Variants in HSPA13 observed in about 807,000 individuals in gnomAD.
HSPA13 encodes the protein heat shock 70 kDa protein 13.
HSPA13 carries 29 observed loss-of-function variants against 38.8 expected under a neutral mutation model. The ratio of observed to expected loss-of-function variants is 0.75; its 90% confidence interval spans 0.56 to 1.02. The LOEUF (loss-of-function observed/expected upper bound fraction) is 1.02, where lower values mean the gene tolerates loss of function less well. Ranked by LOEUF, HSPA13 falls within the 50% of genes least tolerant of loss-of-function variation. The probability of loss-of-function intolerance (pLI) is 0.00; values close to 1 mark genes in which losing one functional copy is unlikely to be tolerated. For synonymous variants in HSPA13, 192 were observed against 205.3 expected (o/e 0.94, Z 0.56); for missense variants, 451 against 560.9 (o/e 0.80, Z 1.98).
In HSPA13 at chr21:14,373,588, T is replaced by C. The variant is rs1208002243; in HGVS notation, c.*29A>G. 6.5e-7 allele frequency: 1 copy of C among 1,549,608 alleles called. No individual in the cohort carries two copies. Among genetic ancestry groups the C allele is most frequent in the Non-Finnish European group, 8.8e-7 (1 of 1,138,600 alleles). The stretch of plus-strand genomic sequence containing the variant: ...AAATGGGAAGAGATCATCAGACAAG[T>C]TCACAAATAACCATTATTTCTGCAG... On this transcript the variant is annotated 3_prime_UTR_variant, in exon 5 of 5. Transcript: ENST00000285667.
chr21:14,381,102 T>C (rs1317937553), intron 2 of HSPA13, 101 bp downstream of exon 2: 5 of 870,488 alleles, frequency 5.7e-6, no homozygotes, highest in South Asian at 3.5e-5. Flanking sequence ...CATGTATTAA[T>C]AGATAAAACT....
Position 14,381,197 on chromosome 21 carries a change from A to G in HSPA13, c.366+6T>C, listed in dbSNP as rs1305532354. ...AATTAATATAGATTTTAGATTAATC[A>G]CTTACCTTAAATGGGTATCTGCCAA... is the stretch of plus-strand genomic sequence containing the variant. On this transcript the variant is annotated splice_donor_region_variant and intron_variant, in intron 2 of 4. Coordinates refer to ENST00000285667, the MANE Select transcript of HSPA13 (RefSeq NM_006948.5). The G allele has an allele frequency of 1.3e-6, 2 of 1,576,410 alleles. No individual in the cohort carries two copies. The highest frequency in any genetic ancestry group is 2.7e-5 in the African/African-American group (2 of 74,032).
rs200946272 is a variant in HSPA13, at chr21:14,383,060, G to C, written c.25+35C>G. 1.3e-3 allele frequency: 2,176 copies of C among 1,613,306 alleles called. 2 individuals are homozygous for C. Among genetic ancestry groups the C allele is most frequent in the Non-Finnish European group, 1.7e-3 (2,009 of 1,179,432 alleles). On this transcript the variant is annotated intron_variant, in intron 1 of 4. Transcript: ENST00000285667. The stretch of plus-strand genomic sequence containing the variant: ...TCTGGCATCCTCAGATCGCCTCTAC[G>C]CCCGCAAGAGCAACAAGGACCCCCG...
chr21:14,382,765 C>T (rs1342148410), intron 1 of HSPA13, among the ~76,000 whole-genome samples: 7 of 152,226 alleles, frequency 4.6e-5, no homozygotes, highest in Non-Finnish European at 1.0e-4. Context: ...TGCACGTTCT[C>T]GCAGCCTTCC....
Position 14,381,204 on chromosome 21 carries a change from T to A in HSPA13, c.365A>T (p.Lys122Met). The A allele has an allele frequency of 1.3e-6, 2 of 1,595,010 alleles. No homozygotes were observed. Among genetic ancestry groups the A allele is most frequent in the Non-Finnish European group, 1.7e-6 (2 of 1,168,672 alleles). ...LEAEIGRYPF[K>M]VLNKNGMVEF... ...ATAGATTTTAGATTAATCACTTACC[T>A]TAAATGGGTATCTGCCAATTTCAGC... The change falls in exon 2 of 5, where the codon AAG (lysine) becomes ATG (methionine). Residue 122 changes from lysine to methionine, a missense_variant and splice_region_variant. Physicochemically the swap from Lys to Met is moderately conservative, Grantham distance 95. Transcript: ENST00000285667.
Position 14,381,211 on chromosome 21 carries a change from G to A in HSPA13, c.358C>T (p.Pro120Ser). 6.3e-7 allele frequency: 1 copy of A among 1,597,408 alleles called. No homozygotes were observed. The highest frequency in any genetic ancestry group is 8.5e-7 in the Non-Finnish European group (1 of 1,169,612). The change falls in exon 2 of 5, where the codon CCA becomes TCA. Residue 120 changes from proline to serine, a missense_variant. Physicochemically the swap from Pro to Ser is moderately conservative, Grantham distance 74. Coordinates refer to ENST00000285667, the MANE Select transcript of HSPA13 (RefSeq NM_006948.5). The stretch of plus-strand genomic sequence containing the variant: ...TTAGATTAATCACTTACCTTAAATG[G>A]GTATCTGCCAATTTCAGCCTCCAAC... Reference protein sequence around the residue: ...EELEAEIGRYPFKVLNKNGMV... With the variant: ...EELEAEIGRYSFKVLNKNGMV...
intron 4 of HSPA13, 41 bp downstream of exon 4, chr21:14,375,611 C>T: frequency 1.3e-6 from 2 of 1,577,662 alleles, no homozygotes; most frequent in South Asian, 2.2e-5. Flanking sequence ...GGATTACAGG[C>T]GTGAGCCACT....
Position 14,373,587 on chromosome 21 carries a change from G to C in HSPA13, c.*30C>G. The C allele has an allele frequency of 6.5e-7, 1 of 1,542,172 alleles. No homozygotes were observed. The highest frequency in any genetic ancestry group is 8.8e-7 in the Non-Finnish European group (1 of 1,132,074). On this transcript the variant is annotated 3_prime_UTR_variant, in exon 5 of 5. Coordinates refer to ENST00000285667, the MANE Select transcript of HSPA13 (RefSeq NM_006948.5). ...TAAATGGGAAGAGATCATCAGACAA[G>C]TTCACAAATAACCATTATTTCTGCA...
rs1296495789 is a variant in HSPA13, at chr21:14,373,995, T to C, written c.1038A>G (p.Gly346=). 11 of 1,614,220 alleles carry C rather than the reference T, an allele frequency of 6.8e-6. No individual in the cohort carries two copies. The highest frequency in any genetic ancestry group is 9.3e-6 in the Non-Finnish European group (11 of 1,180,036). The change falls in exon 5 of 5, where the codon GGA becomes GGG. Residue 346 remains glycine, a synonymous_variant. Transcript: ENST00000285667. ...ADDHRVNSGF[G]RGLSDKKSGE... The stretch of plus-strand genomic sequence containing the variant: ...CACTTTTCTTATCAGAAAGGCCACG[T>C]CCAAACCCACTGTTCACGCGATGGT...
intron 2 of HSPA13, among the ~76,000 whole-genome samples, 154 bp downstream of exon 2, chr21:14,381,049 T>C (rs1020577213): frequency 6.6e-6 from 1 of 152,244 alleles, no homozygotes; most frequent in Non-Finnish European, 1.5e-5. Flanking sequence ...ACTGATCCTA[T>C]AGCTGCTGTG....
chr21:14,375,491 ATTTT>A (rs34202425), intron 4 of HSPA13, among the ~76,000 whole-genome samples, 157 bp downstream of exon 4: 10 of 128,564 alleles, frequency 7.8e-5, no homozygotes, highest in Non-Finnish European at 1.1e-4. Flanking sequence ...TTTTTCTGTA[ATTTT>A]TTTTTTTTTT....
Position 14,374,139 on chromosome 21 carries a change from A to T in HSPA13, c.894T>A (p.Asn298Lys). The change falls in exon 5 of 5, where the codon AAT becomes AAA. Residue 298 changes from asparagine (N) to lysine (K), a missense_variant. Transcript: ENST00000285667. ...ACTGAGCAGATTGATGAAGAGTCAGATTTAATTTGACCATTTCCACAGCTT... is the reference window on the plus strand; with the variant it reads ...ACTGAGCAGATTGATGAAGAGTCAGTTTTAATTTGACCATTTCCACAGCTT... Reference protein sequence around the residue: ...LRQAVEMVKLNLTLHQSAQLS... With the variant: ...LRQAVEMVKLKLTLHQSAQLS... 1 of 1,614,068 alleles carries T rather than the reference A, an allele frequency of 6.2e-7. No individual in the cohort carries two copies. Among genetic ancestry groups the T allele is most frequent in the Non-Finnish European group, 8.5e-7 (1 of 1,180,018 alleles).
chr21:14,378,897 T>A (rs1432149789), intron 2 of HSPA13, among the ~76,000 whole-genome samples: 1 of 151,950 alleles, frequency 6.6e-6, no homozygotes, highest in Non-Finnish European at 1.5e-5. Context: ...GGATTACAGG[T>A]GAAAGCCACC....
At chr21:14,381,842 G>A (rs1984178967) in intron 1 of HSPA13, among the ~76,000 whole-genome samples, 1 of 152,090 alleles carries the variant, frequency 6.6e-6, no homozygotes, top group African/African-American at 2.4e-5. Flanking sequence ...TAATATTTGT[G>A]CAGATGCTGA....
chr21:14,379,741 C>T (rs1376906587), intron 2 of HSPA13, among the ~76,000 whole-genome samples: 1 of 151,646 alleles, frequency 6.6e-6, no homozygotes, highest in African/African-American at 2.4e-5. Flanking sequence ...TCTTTGAAAA[C>T]GGATGAAAAA....
At chr21:14,376,274 G>A (rs868230684) in intron 3 of HSPA13, among the ~76,000 whole-genome samples, 13 of 152,274 alleles carry the variant, frequency 8.5e-5, no homozygotes, top group South Asian at 6.2e-4. Flanking sequence ...TGAGCCGGGC[G>A]TGGTGGCGGG....
chr21:14,375,551 C>T (rs1312083463), intron 4 of HSPA13, 101 bp downstream of exon 4: 5 of 660,384 alleles, frequency 7.6e-6, no homozygotes, highest in African/African-American at 1.9e-5. Flanking sequence ...CCAGGATGGT[C>T]TCGATCTCCC....
Position 14,374,028 on chromosome 21 carries a change from T to C in HSPA13, c.1005A>G (p.Ser335=), listed in dbSNP as rs759665859. Residue 335 remains serine, a synonymous_variant, in exon 5 of 5, where the codon TCA becomes TCG. Transcript: ENST00000285667. The part of the protein sequence containing the change: ...DTELPKDKLS[S]ADDHRVNSGF... ...CACTGTTCACGCGATGGTCATCTGC[T>C]GAGGAAAGTTTGTCTTTTGGCAGTT... The C allele has an allele frequency of 1.2e-6, 2 of 1,614,134 alleles. No individual in the cohort carries two copies. The highest frequency in any genetic ancestry group is 2.2e-5 in the East Asian group (1 of 44,900).
intron 3 of HSPA13, among the ~76,000 whole-genome samples, chr21:14,377,477 A>T (rs1166422040): frequency 1.3e-5 from 2 of 152,190 alleles, no homozygotes; most frequent in African/African-American, 4.8e-5. Context: ...ATATTGTGCT[A>T]TAGAGCTTTC....
Sources: allele counts gnomAD v4.1 joint callset (sites outside exome capture counted in the v4.1 genomes callset), GRCh38; gene constraint gnomAD v4.1.1; transcripts MANE v1.5; gene names NCBI Gene and HGNC (gene_info 2026-07-23, HGNC 2026-07-21).